COL5A3: variants seen among roughly 807,000 people sequenced by gnomAD.
COL5A3 encodes the protein collagen type V alpha 3 chain.
In COL5A3, 172 loss-of-function variants were observed where a neutral mutation model predicts 250.0. The observed-to-expected ratio is 0.69, with a 90% confidence interval of 0.61 to 0.78. The LOEUF is 0.78. Ranked by LOEUF, COL5A3 falls within the 30% of genes least tolerant of loss-of-function variation. The pLI is 0.00. For missense variants in COL5A3, 2,340 were observed against 2,334.4 expected (o/e 1.00, Z -0.05); for synonymous variants, 937 against 900.4 (o/e 1.04, Z -0.73).
chr19:9,965,403 G>A (rs1236067906), intron 64 of COL5A3, among the ~76,000 whole-genome samples: 3 of 150,612 alleles, frequency 2.0e-5, no homozygotes, highest in East Asian at 2.0e-4. Context: ...TGATCCACCC[G>A]CCTCGGCCTC....
intron 24 of COL5A3, among the ~76,000 whole-genome samples, chr19:9,990,925 C>T (rs533599614): frequency 7.2e-5 from 11 of 152,260 alleles, no homozygotes; most frequent in African/African-American, 2.6e-4. Context: ...AGCCACACCC[C>T]TTTCTTTAAA....
At chr19:9,996,000 C>T (rs1030960445) in intron 15 of COL5A3, 66 bp downstream of exon 15, 2 of 1,414,666 alleles carry the variant, frequency 1.4e-6, no homozygotes, top group African/African-American at 2.9e-5. Context: ...CCATCCAGCA[C>T]TGTATCTTGT....
At position 10,005,893 on chromosome 19, in the gene COL5A3, C is replaced by T. The variant is rs1232681949; in HGVS notation, c.340G>A (p.Gly114Ser). The change falls in exon 3 of 67, where the codon GGT becomes AGT. Residue 114 changes from glycine (G) to serine (S), a missense_variant. Coordinates refer to ENST00000264828, the MANE Select transcript of COL5A3 (RefSeq NM_015719.4). ...AGTGCCAGGCCCAACTGCCGGGCAC[C>T]CCTTTCATCATAAATGGACAGCAGG... is the stretch of plus-strand genomic sequence containing the variant. ...SVLLSIYDER[G>S]ARQLGLALGP... 1.2e-6 allele frequency: 2 copies of T among 1,613,880 alleles called. No homozygotes were observed. The highest frequency in any genetic ancestry group is 1.3e-5 in the African/African-American group (1 of 74,918).
At chr19:9,988,599 G>A (rs949622050) in intron 27 of COL5A3, among the ~76,000 whole-genome samples, 7 of 152,022 alleles carry the variant, frequency 4.6e-5, no homozygotes, top group Non-Finnish European at 7.4e-5. Context: ...GGGAAGCCAA[G>A]GAGGGTGGAT....
chr19:10,000,011 A>G (rs188767851), intron 8 of COL5A3, among the ~76,000 whole-genome samples: 1 of 151,946 alleles, frequency 6.6e-6, no homozygotes, highest in East Asian at 1.9e-4. Flanking sequence ...TCCCGCCTCA[A>G]CCTACCAAAT....
chr19:9,984,047 C>A (rs1168142704), intron 31 of COL5A3, among the ~76,000 whole-genome samples: 1 of 151,466 alleles, frequency 6.6e-6, no homozygotes, highest in Non-Finnish European at 1.5e-5. Context: ...TCTTTTGAGA[C>A]AGAGTCTCAC....
Position 9,977,221 on chromosome 19 carries a change from T to G in COL5A3, c.3288+8A>C, listed in dbSNP as rs745398053. On this transcript the variant is annotated splice_region_variant and intron_variant, in intron 44 of 66. Transcript: ENST00000264828. ...CCCCACCCTGCCCCACTGGGGACCT[T>G]CACTCACCGCGTCTCCTTTATCGCC... 2 of 1,613,754 alleles carry G rather than the reference T, an allele frequency of 1.2e-6. No individual in the cohort carries two copies. The highest frequency in any genetic ancestry group is 1.7e-6 in the Non-Finnish European group (2 of 1,179,846).
chr19:9,975,819 T>C lies in COL5A3; in HGVS notation c.3342+739A>G, dbSNP rs1038531804. On this transcript the variant is annotated intron_variant, in intron 45 of 66. Coordinates refer to ENST00000264828, the MANE Select transcript of COL5A3 (RefSeq NM_015719.4). ...GGGTGTCAGCATTGAGGGGAAGACA[T>C]GGTTGGATTGGGATTGAGACAAATT... is the stretch of plus-strand genomic sequence containing the variant. 1.4e-5 allele frequency among the ~76,000 whole-genome samples: 2 copies of C among 147,050 alleles called. 1 individual carries two copies.
intron 56 of COL5A3, 58 bp from the exon 57 acceptor site, chr19:9,969,460 C>T (rs541073553): frequency 8.8e-6 from 14 of 1,593,340 alleles, no homozygotes; most frequent in South Asian, 7.9e-5. Flanking sequence ...AGTGTGGACC[C>T]CCCCCCGACC....
intron 27 of COL5A3, 98 bp downstream of exon 27, chr19:9,989,026 T>A: frequency 7.7e-7 from 1 of 1,295,574 alleles, no homozygotes; most frequent in South Asian, 1.2e-5. Context: ...GGCCAACTGA[T>A]TCCCCTCTCC....
Position 9,968,125 on chromosome 19 carries a change from G to A in COL5A3, c.4315-46C>T. On this transcript the variant is annotated intron_variant, in intron 59 of 66. Transcript: ENST00000264828. The surrounding 1 kb of genome is among the most constrained non-coding windows in gnomAD (Gnocchi z 4.1). ...CAGTATTGGTGGGGTACACCCTATT[G>A]CCCTGACACATCCCCCAGACAAGCC... 2.6e-6 allele frequency: 4 copies of A among 1,524,832 alleles called. No homozygotes were observed. Among genetic ancestry groups the A allele is most frequent in the Non-Finnish European group, 3.6e-6 (4 of 1,121,074 alleles). The allele number at this position is 1,524,832 out of a possible 1,614,324, so 94.5% of individuals were successfully genotyped here.
chr19:9,991,533 G>C (rs373642192), intron 24 of COL5A3, 77 bp downstream of exon 24: 33 of 1,266,118 alleles, frequency 2.6e-5, no homozygotes, highest in South Asian at 2.0e-4. Context: ...GAGGGGTCTT[G>C]GTGGGAAGAT....
rs527395212 is a variant in COL5A3 at position 9,978,360 on chromosome 19, A to G, written c.3018+214T>C. Among the ~76,000 whole-genome samples, 10 of 152,174 alleles carry G rather than the reference A, an allele frequency of 6.6e-5. No homozygotes were observed. The South Asian group carries it at 1.9e-3, about 28-fold the overall frequency. ...TGCCTCAGCCTCTAGAGTAGCTGGGATTACAGGCATCTGCCTCCATGCCTG... is the reference window on the plus strand; with the variant it reads ...TGCCTCAGCCTCTAGAGTAGCTGGGGTTACAGGCATCTGCCTCCATGCCTG... On this transcript the variant is annotated intron_variant, in intron 41 of 66. Transcript: ENST00000264828.
At chr19:9,999,366 A>T (rs547517955) in intron 8 of COL5A3, among the ~76,000 whole-genome samples, 4,459 of 133,564 alleles carry the variant, frequency 0.033, 231 homozygotes, top group African/African-American at 0.12. Flanking sequence ...GCTATTTTTT[A>T]TTTTATTTTT....
At chr19:9,960,590 C>T (rs2145040441) in intron 66 of COL5A3, 33 bp from the exon 67 acceptor site, 1 of 1,613,696 alleles carries the variant, frequency 6.2e-7, no homozygotes. Flanking sequence ...CGGTGAGTTA[C>T]CGGGAAGGTG....
chr19:9,971,095 G>T, intron 52 of COL5A3, 67 bp from the exon 53 acceptor site: 1 of 1,441,596 alleles, frequency 6.9e-7, no homozygotes, highest in Non-Finnish European at 9.3e-7. Context: ...ATGGGGCTGG[G>T]AGGCAAAAGA....
rs567340569 is a variant in COL5A3 at position 9,998,155 on chromosome 19, G to A, written c.1111-6C>T. ...GCTCCTTTCTCTCCAGCACCCTGGGGTGGGGTCAGGGGAGATGGAGAGAAA... is the reference window on the plus strand; with the variant it reads ...GCTCCTTTCTCTCCAGCACCCTGGGATGGGGTCAGGGGAGATGGAGAGAAA... On this transcript the variant is annotated splice_polypyrimidine_tract_variant and splice_region_variant and intron_variant, in intron 8 of 66. Coordinates refer to ENST00000264828, the MANE Select transcript of COL5A3 (RefSeq NM_015719.4). 2.5e-6 allele frequency: 4 copies of A among 1,612,852 alleles called. No homozygotes were observed. The African/African-American group carries it at 4.0e-5, about 16-fold the overall frequency.
At position 9,993,023 on chromosome 19, in the gene COL5A3, C is replaced by G; in HGVS notation, c.1794G>C (p.Pro598=). ...GGGCCCAGGGATCCCTGATACTCACCGGCTCCCCAGCCTGGCCAGTGGGCC... is the reference window on the plus strand; with the variant it reads ...GGGCCCAGGGATCCCTGATACTCACGGGCTCCCCAGCCTGGCCAGTGGGCC... The part of the protein sequence containing the change: ...PPGPTGQAGE[P]GPRGLLGPRG... Residue 598 remains proline, a splice_region_variant and synonymous_variant, in exon 20 of 67, where the codon CCG becomes CCC. Transcript: ENST00000264828. The G allele has an allele frequency of 6.2e-7, 1 of 1,613,554 alleles. No homozygotes were observed. Among genetic ancestry groups the G allele is most frequent in the South Asian group, 1.1e-5 (1 of 91,000 alleles).
Position 9,966,745 on chromosome 19 carries a change from C to T in COL5A3, c.4460G>A (p.Gly1487Asp). The T allele has an allele frequency of 6.5e-7, 1 of 1,532,760 alleles. No homozygotes were observed. Among genetic ancestry groups the T allele is most frequent in the Non-Finnish European group, 8.7e-7 (1 of 1,144,956 alleles). 94.9% of individuals were successfully genotyped at this position (1,532,760 alleles called of 1,614,324 possible). ...CAGCCCATGCAGCTCGGCAGGGGCA[C>T]CCTGGGCGTAGGGGATGGGGACGGA... Reference protein sequence around the residue: ...TGPAGPPGPPGAPAELHGLRR... With the variant: ...TGPAGPPGPPDAPAELHGLRR... Residue 1487 changes from glycine (G) to aspartate (D), a missense_variant and splice_region_variant, in exon 63 of 67, where the codon GGT becomes GAT. Coordinates refer to ENST00000264828, the MANE Select transcript of COL5A3 (RefSeq NM_015719.4).
Sources: gnomAD v4.1 joint callset for allele counts (sites outside exome capture counted in the v4.1 genomes callset) on GRCh38, gnomAD v4.1.1 for gene constraint, Gnocchi (gnomAD v3.1) non-coding constraint, MANE v1.5 for transcripts, NCBI Gene and HGNC (gene_info 2026-07-23, HGNC 2026-07-21) for gene names.